BACH2: variants seen among roughly 807,000 people sequenced by gnomAD.
BACH2 encodes transcription regulator protein BACH2.
A neutral mutation model predicts 61.8 loss-of-function variants in BACH2; 5 were observed. The ratio of observed to expected loss-of-function variants is 0.08; its 90% CI spans 0.04 to 0.17. The LOEUF (loss-of-function observed/expected upper bound fraction) is 0.17, where lower values mean the gene tolerates loss of function less well. Among genes scored for constraint, BACH2 ranks in the 10% least tolerant of loss-of-function variants. The pLI is 1.00. For missense variants in BACH2, 824 were observed against 1,091.1 expected (o/e 0.76, Z 3.45); for synonymous variants, 446 against 440.1 (o/e 1.01, Z -0.17).
In BACH2 at chr6:90,008,834, T is replaced by A. The variant is rs1419275988; in HGVS notation, c.11A>T (p.Asp4Val). 5 of 1,613,682 alleles carry A rather than the reference T, an allele frequency of 3.1e-6. No homozygotes were observed. In the African/African-American group the frequency reaches 5.3e-5, roughly 17 times the overall value. ...ATACATGGGGGAGTCAGGCTTCTCA[T>A]CCACAGACATGCCGTTCACACCCTG... is the stretch of plus-strand genomic sequence containing the variant. Reference protein sequence around the residue: MSVDEKPDSPMYVY... With the variant: MSVVEKPDSPMYVY... The change falls in exon 6 of 9, where the codon GAT becomes GTT. Residue 4 changes from aspartate to valine, a missense_variant. Transcript: ENST00000257749. This position sits in a 1 kb window ranked among gnomAD's most constrained non-coding sequence, Gnocchi z 4.1.
intron 5 of BACH2, among the ~76,000 whole-genome samples, chr6:90,043,396 T>G (rs1172405823): frequency 6.6e-6 from 1 of 152,078 alleles, no homozygotes; most frequent in Non-Finnish European, 1.5e-5. Flanking sequence ...TCTCATAACC[T>G]CCCTCACCAT....
At chr6:90,223,631 G>A (rs1209892001) in intron 3 of BACH2, among the ~76,000 whole-genome samples, 1 of 151,602 alleles carries the variant, frequency 6.6e-6, no homozygotes, top group East Asian at 1.9e-4. Context: ...ACTACACCCA[G>A]CTAATTTTTT....
chr6:89,946,855 T>C (rs1773755993), intron 7 of BACH2, among the ~76,000 whole-genome samples: 1 of 152,192 alleles, frequency 6.6e-6, no homozygotes, highest in Admixed American at 6.5e-5. Context: ...TTTAAAAAGC[T>C]GATTATTGAT....
intron 1 of BACH2, among the ~76,000 whole-genome samples, chr6:90,291,874 T>A (rs182042838): frequency 6.6e-6 from 1 of 152,288 alleles, no homozygotes; most frequent in Admixed American, 6.5e-5. Context: ...CCAAAGAAAT[T>A]CCAATTTTTG....
intron 4 of BACH2, among the ~76,000 whole-genome samples, chr6:90,153,983 T>C (rs1259977506): frequency 6.6e-6 from 1 of 152,240 alleles, no homozygotes; most frequent in Non-Finnish European, 1.5e-5. Flanking sequence ...ATAGATCTAT[T>C]TTGATTATGG....
intron 6 of BACH2, among the ~76,000 whole-genome samples, chr6:89,969,537 G>A (rs1359497194): frequency 6.6e-6 from 1 of 152,132 alleles, no homozygotes; most frequent in Non-Finnish European, 1.5e-5. Flanking sequence ...GAGCAGGTGG[G>A]GGACAGAGAG....
intron 6 of BACH2, among the ~76,000 whole-genome samples, chr6:89,968,287 T>C (rs1358723131): frequency 1.3e-5 from 2 of 152,248 alleles, no homozygotes; most frequent in East Asian, 3.8e-4. Context: ...AGTTTGGGCA[T>C]TTAATCACAG....
chr6:89,974,283 A>T (rs971901244), intron 6 of BACH2, among the ~76,000 whole-genome samples: 1 of 152,058 alleles, frequency 6.6e-6, no homozygotes, highest in Non-Finnish European at 1.5e-5. Flanking sequence ...CAGTTTCCTC[A>T]CCTGCCATAT....
At chr6:90,239,673 G>A (rs1303774063) in intron 3 of BACH2, among the ~76,000 whole-genome samples, 3 of 151,814 alleles carry the variant, frequency 2.0e-5, no homozygotes, top group Non-Finnish European at 2.9e-5. Context: ...ACTAAGAGAT[G>A]GACCTTATCT....
At chr6:90,023,361 C>T (rs542524772) in intron 5 of BACH2, among the ~76,000 whole-genome samples, 5 of 151,968 alleles carry the variant, frequency 3.3e-5, no homozygotes, top group Admixed American at 2.6e-4. Flanking sequence ...TATCATAAGA[C>T]GTAGTTGTTT....
At chr6:90,150,419 T>C (rs146937910) in intron 4 of BACH2, among the ~76,000 whole-genome samples, 22 of 152,356 alleles carry the variant, frequency 1.4e-4, no homozygotes, top group Admixed American at 1.4e-3. Context: ...GCTTGCAATA[T>C]AGTCTCAATT....
chr6:90,188,759 T>TG (rs1491501389), intron 4 of BACH2, among the ~76,000 whole-genome samples: 1 of 33,626 alleles, frequency 3.0e-5, no homozygotes, highest in African/African-American at 1.3e-4. Flanking sequence ...GGCCCCAAAA[T>TG]GAAAAAAAAA....
In BACH2 at chr6:89,951,236, C is replaced by A; in HGVS notation, c.870G>T (p.Thr290=). 2.5e-6 allele frequency: 4 copies of A among 1,614,068 alleles called. No individual in the cohort carries two copies. The highest frequency in any genetic ancestry group is 3.4e-6 in the Non-Finnish European group (4 of 1,180,016). ...CAGGCTCATCTCCAGACAGGCAGAG[C>A]GTGATGCTCTCTTCCTCATTCTCTT... The part of the protein sequence containing the change: ...PSEENEEESI[T]LCLSGDEPDA... The change falls in exon 7 of 9, where the codon ACG becomes ACT. Residue 290 remains threonine, a synonymous_variant. Transcript: ENST00000257749. This position sits in a 1 kb window ranked among gnomAD's most constrained non-coding sequence, Gnocchi z 6.4.
chr6:90,283,678 T>TGACCTCGTGATCCACC (rs1562541985), intron 1 of BACH2, among the ~76,000 whole-genome samples: 1 of 152,058 alleles, frequency 6.6e-6, no homozygotes, highest in South Asian at 2.1e-4. Flanking sequence ...CCCGGCCTCC[T>TGACCTCGTGATCCACC]CATGCATTTT....
rs78833481 is a variant in BACH2, at chr6:90,094,616, C to A, written c.-161-5507G>T. Among the ~76,000 whole-genome samples the A allele has an allele frequency of 3.7e-4, 56 of 152,264 alleles. No individual in the cohort carries two copies. The East Asian group carries it at 9.6e-3, about 26-fold the overall frequency. ...CCTAAACTTCAAGGACGGGACACTG[C>A]ATGTTGGGATACAGAATTTTTAAGC... On this transcript the variant is annotated intron_variant, in intron 4 of 8. Coordinates refer to ENST00000257749, the MANE Select transcript of BACH2 (RefSeq NM_021813.4).
At chr6:90,063,736 G>A (rs1780804866) in intron 5 of BACH2, among the ~76,000 whole-genome samples, 2 of 152,072 alleles carry the variant, frequency 1.3e-5, no homozygotes, top group South Asian at 2.1e-4. Context: ...TCTTTCATAT[G>A]GCTGTTGTGA....
chr6:90,094,477 C>A (rs780857294), intron 4 of BACH2, among the ~76,000 whole-genome samples: 1 of 152,172 alleles, frequency 6.6e-6, no homozygotes, highest in Non-Finnish European at 1.5e-5. Context: ...CTCTCAATGT[C>A]CTCCTGTTGT....
intron 1 of BACH2, among the ~76,000 whole-genome samples, chr6:90,277,133 G>A (rs2127884537): frequency 6.6e-6 from 1 of 152,200 alleles, no homozygotes; most frequent in East Asian, 1.9e-4. Context: ...AAATTACACT[G>A]CTTTCCTGAT....
rs563266377 is a variant in BACH2, at chr6:90,153,869, A to G, written c.-162+52700T>C. Among the ~76,000 whole-genome samples, 6 of 152,364 alleles carry G rather than the reference A, an allele frequency of 3.9e-5. No homozygotes were observed. In the East Asian group the frequency reaches 1.2e-3, roughly 29 times the overall value. On this transcript the variant is annotated intron_variant, in intron 4 of 8. Coordinates refer to ENST00000257749, the MANE Select transcript of BACH2 (RefSeq NM_021813.4). ...TCGTAAGACAAATTTTGAAAAAATC[A>G]TGGTGCAGACTATGTAATTTACGCT...
Sources: allele counts gnomAD v4.1 joint callset (sites outside exome capture counted in the v4.1 genomes callset), GRCh38; gene constraint gnomAD v4.1.1; non-coding constraint Gnocchi (gnomAD v3.1); transcripts MANE v1.5; gene names NCBI Gene and HGNC (gene_info 2026-07-23, HGNC 2026-07-21).